The following CNOT4 variants were observed in gnomAD, a reference collection of about 807,000 sequenced individuals.
The protein encoded by CNOT4 is CCR4-associated factor 4.
Under a neutral mutation model 73.8 loss-of-function variants are expected in CNOT4, and 8 were observed. The observed-to-expected ratio is 0.11, with a 90% CI of 0.06 to 0.20. The LOEUF (loss-of-function observed/expected upper bound fraction) is 0.20. Among genes scored for constraint, CNOT4 ranks in the 10% least tolerant of loss-of-function variants. The pLI is 1.00. For synonymous variants in CNOT4, 293 were observed against 321.1 expected, an observed-to-expected ratio of 0.91 and a Z score of 0.94; for missense variants, 564 against 883.4, an observed-to-expected ratio of 0.64 and a Z score of 4.58.
At chr7:135,449,991 A>C (rs1212736697) in intron 1 of CNOT4, among the ~76,000 whole-genome samples, 1 of 152,168 alleles carries the variant, frequency 6.6e-6, no homozygotes, top group Non-Finnish European at 1.5e-5. Flanking sequence ...GAATGGAAAT[A>C]CTGGATTTCA....
intron 7 of CNOT4, among the ~76,000 whole-genome samples, chr7:135,409,583 T>C (rs1225458471): frequency 6.6e-6 from 1 of 152,078 alleles, no homozygotes; most frequent in Non-Finnish European, 1.5e-5. Context: ...TTAGCTATGT[T>C]TGAAAATAGT....
chr7:135,504,166 C>G (rs546754763), intron 1 of CNOT4, among the ~76,000 whole-genome samples: 1 of 152,252 alleles, frequency 6.6e-6, no homozygotes, highest in Non-Finnish European at 1.5e-5. Context: ...GACCATGTAT[C>G]TGTTTGTTGC....
At chr7:135,447,251 A>G (rs895665563) in intron 1 of CNOT4, among the ~76,000 whole-genome samples, 4 of 152,376 alleles carry the variant, frequency 2.6e-5, no homozygotes, top group African/African-American at 9.6e-5. Context: ...AACAGACTAA[A>G]GAGTAGCTAT....
chr7:135,367,651 A>G (rs982878627), intron 10 of CNOT4, among the ~76,000 whole-genome samples: 1 of 152,204 alleles, frequency 6.6e-6, no homozygotes. Context: ...TACTGCCAGG[A>G]ACTAGCCCTG....
At chr7:135,453,746 T>TATATATATATATATGTTA (rs1554438643) in intron 1 of CNOT4, among the ~76,000 whole-genome samples, 10 of 145,008 alleles carry the variant, frequency 6.9e-5, no homozygotes, top group Non-Finnish European at 1.5e-4. Flanking sequence ...ATATGTTATA[T>TATATATATATATATGTTA]TATATATATA....
chr7:135,432,492 T>C (rs1176135011), intron 2 of CNOT4, among the ~76,000 whole-genome samples: 1 of 152,226 alleles, frequency 6.6e-6, no homozygotes, highest in Admixed American at 6.5e-5. Flanking sequence ...GACATTTCTC[T>C]TTTAGAACAC....
At position 135,438,184 on chromosome 7, in the gene CNOT4, T is replaced by G; in HGVS notation, c.148A>C (p.Asn50His). ...TTTCTACATGCAGGACAAAGCCCAT[T>G]TTCATCAGTGCGAATTCGATGCCAA... ...FCWHRIRTDENGLCPACRKPY... is the reference protein window; with the variant it reads ...FCWHRIRTDEHGLCPACRKPY... Residue 50 changes from asparagine to histidine, a missense_variant, in exon 2 of 12, where the codon AAT (asparagine) becomes CAT (histidine). This residue lies in a region of CNOT4 where 76 missense variants were observed against 208.7 expected (regional missense o/e 0.36). Transcript: ENST00000541284. 6.2e-7 allele frequency: 1 copy of G among 1,601,940 alleles called. No homozygotes were observed. The highest frequency in any genetic ancestry group is 8.6e-7 in the Non-Finnish European group (1 of 1,169,006).
chr7:135,422,161 G>T lies in CNOT4; in HGVS notation c.367C>A (p.Pro123Thr). The change falls in exon 3 of 12, where the codon CCA becomes ACA. Residue 123 changes from proline (P) to threonine (T), a missense_variant. Around this residue, in one of 10 missense-constraint regions of CNOT4, gnomAD observed 76 missense variants for 208.7 expected, o/e 0.36. Coordinates refer to ENST00000541284, the MANE Select transcript of CNOT4 (RefSeq NM_001190850.2). ...AAGAAAACAAGAGGACTTACCTCTG[G>T]GTCTGCTAGGCGCTGAGATAAACCT... ...VVGLSQRLAD[P>T]EVLKRPEYFG... The T allele has an allele frequency of 6.3e-7, 1 of 1,596,200 alleles. No homozygotes were observed. The highest frequency in any genetic ancestry group is 8.6e-7 in the Non-Finnish European group (1 of 1,164,174).
chr7:135,410,385 T>C, intron 7 of CNOT4, 130 bp downstream of exon 7: 1 of 582,662 alleles, frequency 1.7e-6, no homozygotes, highest in East Asian at 3.3e-5. Flanking sequence ...ACATTTCCCA[T>C]ACAGCTAAAC....
At chr7:135,389,157 C>CAAAA (rs11292254) in intron 10 of CNOT4, among the ~76,000 whole-genome samples, 43 of 83,634 alleles carry the variant, frequency 5.1e-4, no homozygotes, top group East Asian at 8.4e-4. Context: ...AACATACTAC[C>CAAAA]AAAAAAAAAA....
chr7:135,401,350 AGTATT>A (rs1796990205), intron 7 of CNOT4, among the ~76,000 whole-genome samples: 1 of 152,262 alleles, frequency 6.6e-6, no homozygotes, highest in South Asian at 2.1e-4. Flanking sequence ...TCATGAAGAG[AGTATT>A]CCATGACATG....
chr7:135,407,211 C>T (rs1471356962), intron 7 of CNOT4, among the ~76,000 whole-genome samples: 1 of 152,164 alleles, frequency 6.6e-6, no homozygotes, highest in East Asian at 1.9e-4. Context: ...GCTTGTACAG[C>T]CTGCAGAACT....
At chr7:135,395,303 C>T (rs1418680064) in intron 9 of CNOT4, among the ~76,000 whole-genome samples, 1 of 151,896 alleles carries the variant, frequency 6.6e-6, no homozygotes, top group Non-Finnish European at 1.5e-5. Flanking sequence ...GCTAAGATCA[C>T]ACTACTTGCA....
intron 1 of CNOT4, among the ~76,000 whole-genome samples, chr7:135,476,190 T>G (rs1801982992): frequency 6.6e-6 from 1 of 152,160 alleles, no homozygotes. Context: ...AAGATTTTCC[T>G]AACCAGTAGG....
chr7:135,375,748 C>G, intron 10 of CNOT4, among the ~76,000 whole-genome samples: 1 of 152,110 alleles, frequency 6.6e-6, no homozygotes, highest in East Asian at 1.9e-4. Context: ...CATAGAGAAA[C>G]CCCGTCTCTG....
At chr7:135,485,932 T>C (rs970284350) in intron 1 of CNOT4, among the ~76,000 whole-genome samples, 2 of 152,178 alleles carry the variant, frequency 1.3e-5, no homozygotes, top group Non-Finnish European at 2.9e-5. Flanking sequence ...ACTGCTATAC[T>C]GAACCTCATC....
At chr7:135,455,133 G>A (rs191275321) in intron 1 of CNOT4, among the ~76,000 whole-genome samples, 1 of 152,026 alleles carries the variant, frequency 6.6e-6, no homozygotes, top group Non-Finnish European at 1.5e-5. Context: ...GAATAGCCAG[G>A]CACAGTGGTG....
chr7:135,374,748 T>C (rs1403770603), intron 10 of CNOT4, among the ~76,000 whole-genome samples: 2 of 152,212 alleles, frequency 1.3e-5, no homozygotes, highest in African/African-American at 4.8e-5. Context: ...GATGGGGATA[T>C]ACAAACAGGA....
intron 10 of CNOT4, chr7:135,388,594 C>T: frequency 1.7e-6 from 2 of 1,172,168 alleles, no homozygotes; most frequent in South Asian, 3.6e-5. Flanking sequence ...AAAATTATTA[C>T]ACTAATAAAT....
Sources: allele counts gnomAD v4.1 joint callset (sites outside exome capture counted in the v4.1 genomes callset), GRCh38; gene constraint gnomAD v4.1.1; regional missense constraint gnomAD v4.1.1; transcripts MANE v1.5; gene names NCBI Gene and HGNC (gene_info 2026-07-23, HGNC 2026-07-21).